Variants in TDRD10 observed in about 807,000 individuals in gnomAD.
TDRD10 encodes the protein tudor domain-containing protein 10.
A neutral mutation model predicts 48.0 loss-of-function variants in TDRD10; 40 were observed. The ratio of observed to expected loss-of-function variants is 0.83; its 90% CI spans 0.65 to 1.09. TDRD10 has a LOEUF of 1.09. Among genes scored for constraint, TDRD10 ranks in the 50% least tolerant of loss-of-function variants. The pLI is 0.00. For missense variants in TDRD10, 378 were observed against 434.7 expected, an observed-to-expected ratio of 0.87 and a Z score of 1.16; for synonymous variants, 162 against 170.4, an observed-to-expected ratio of 0.95 and a Z score of 0.38.
At chr1:154,510,712 C>G (rs1693416459) in intron 4 of TDRD10, among the ~76,000 whole-genome samples, 1 of 152,100 alleles carries the variant, frequency 6.6e-6, no homozygotes, top group African/African-American at 2.4e-5. Context: ...AATCTTGGGT[C>G]AGAGTTGAAA....
Position 154,542,061 on chromosome 1 carries a change from C to T in TDRD10, c.407C>T (p.Thr136Ile). 1.2e-6 allele frequency: 2 copies of T among 1,613,960 alleles called. No individual in the cohort carries two copies. The highest frequency in any genetic ancestry group is 1.7e-6 in the Non-Finnish European group (2 of 1,179,924). ...EKASGEGFGK[T>I]AAIIQLAPKA... ...GCTTCTGGTGAAGGATTTGGCAAAA[C>T]CGCCGGTGAGATTCTGCGCTGCCAT... is the stretch of plus-strand genomic sequence containing the variant. Residue 136 changes from threonine to isoleucine, a missense_variant, in exon 7 of 13, where the codon ACC becomes ATC. Thr to Ile is a moderately conservative substitution (Grantham distance 89). Transcript: ENST00000368482.
rs1451015186 is a variant in TDRD10 at position 154,547,814 on chromosome 1, A to G, written c.*104A>G. The G allele has an allele frequency of 2.1e-6, 3 of 1,424,844 alleles. No individual in the cohort carries two copies. The East Asian group carries it at 6.8e-5, about 32-fold the overall frequency. 88.3% of individuals were successfully genotyped at this position (1,424,844 alleles called of 1,614,324 possible). A position where few individuals can be genotyped will look rare whatever the true frequency, so the allele number is the denominator to read the frequency against. Reference sequence around the variant, plus strand: ...TCACTCTTGAGGCCTGGGAGGTGAAAAAGGCCAGACTGTGCCCAGGATTGA... The same window carrying G: ...TCACTCTTGAGGCCTGGGAGGTGAAGAAGGCCAGACTGTGCCCAGGATTGA... On this transcript the variant is annotated 3_prime_UTR_variant, in exon 13 of 13. Coordinates refer to ENST00000368482, the MANE Select transcript of TDRD10 (RefSeq NM_182499.4).
chr1:154,521,624 T>G (rs1694065881), intron 6 of TDRD10, 145 bp downstream of exon 6: 1 of 866,422 alleles, frequency 1.2e-6, no homozygotes, highest in African/African-American at 1.7e-5. Flanking sequence ...TCAGGGAACT[T>G]TTATGACCTT....
chr1:154,509,916 A>G, intron 4 of TDRD10: 1 of 965,882 alleles, frequency 1.0e-6, no homozygotes, highest in Non-Finnish European at 1.2e-6. Flanking sequence ...CCCCCTCCCC[A>G]GTAGACCCCA....
chr1:154,513,894 A>G (rs4845636), intron 4 of TDRD10, among the ~76,000 whole-genome samples: 119,236 of 152,116 alleles, frequency 0.78, 47,495 homozygotes, highest in East Asian at 0.92. Flanking sequence ...AAGGAGATTT[A>G]GAAGAGACTT....
At chr1:154,528,414 C>T (rs940720568) in intron 6 of TDRD10, among the ~76,000 whole-genome samples, 12 of 151,400 alleles carry the variant, frequency 7.9e-5, no homozygotes, top group Non-Finnish European at 1.3e-4. Context: ...TTACTAGAGA[C>T]GGGGTCTCGC....
chr1:154,544,529 G>A lies in TDRD10; in HGVS notation c.797+12G>A, dbSNP rs1290103206. The A allele has an allele frequency of 6.2e-7, 1 of 1,612,824 alleles. No individual in the cohort carries two copies. Reference sequence around the variant, plus strand: ...CACGCCTGGAACAGGTGTGTGCCTGGGCAGGGGTAGAGTCTATGGGAGAGG... The same window carrying A: ...CACGCCTGGAACAGGTGTGTGCCTGAGCAGGGGTAGAGTCTATGGGAGAGG... On this transcript the variant is annotated intron_variant, in intron 10 of 12. Transcript: ENST00000368482.
chr1:154,520,467 C>A, intron 5 of TDRD10, 93 bp downstream of exon 5: 1 of 956,772 alleles, frequency 1.0e-6, no homozygotes, highest in Non-Finnish European at 1.7e-6. Flanking sequence ...ACTAGCCCAG[C>A]AACCGCCACG....
chr1:154,514,019 G>C (rs1416299006), intron 4 of TDRD10, among the ~76,000 whole-genome samples: 2 of 152,082 alleles, frequency 1.3e-5, no homozygotes, highest in African/African-American at 4.8e-5. Context: ...GTGAAACCTC[G>C]TCTCTACTAA....
intron 4 of TDRD10, 152 bp from the exon 5 acceptor site, chr1:154,520,152 T>G (rs1234523635): frequency 3.4e-6 from 2 of 596,580 alleles, no homozygotes; most frequent in Non-Finnish European, 6.0e-6. Context: ...TTCTTGCCTA[T>G]CCTACAAAAC....
chr1:154,504,011 C>G (rs977895823), intron 1 of TDRD10, among the ~76,000 whole-genome samples: 5 of 152,180 alleles, frequency 3.3e-5, no homozygotes, highest in Non-Finnish European at 5.9e-5. Context: ...AAAGAAATCT[C>G]CCGTCAATTA....
chr1:154,544,767 CCT>C lies in TDRD10; in HGVS notation c.798-25_798-24del, dbSNP rs776109690. 15 of 1,610,574 alleles carry C rather than the reference CCT, an allele frequency of 9.3e-6. No homozygotes were observed. In the African/African-American group the frequency reaches 1.6e-4, roughly 17 times the overall value. ...GCATGGCACTAGGCGGAATGATTGT[CCT>C]CTGTCTTTCTCTTTTCCTCTGCCAG... On this transcript the variant is annotated intron_variant, in intron 10 of 12. Transcript: ENST00000368482.
intron 4 of TDRD10, among the ~76,000 whole-genome samples, chr1:154,514,137 C>G (rs1367387416): frequency 5.3e-5 from 8 of 152,162 alleles, no homozygotes; most frequent in South Asian, 2.1e-4. Flanking sequence ...TTGCAGCGAG[C>G]TGAGGTCACG....
At chr1:154,535,924 G>A (rs1435629443) in intron 6 of TDRD10, among the ~76,000 whole-genome samples, 2 of 152,160 alleles carry the variant, frequency 1.3e-5, no homozygotes, top group Non-Finnish European at 2.9e-5. Context: ...GGCAGAGCAG[G>A]ACGGGGTGAG....
chr1:154,545,366 T>TA (rs1401378782), intron 11 of TDRD10, among the ~76,000 whole-genome samples: 9 of 152,202 alleles, frequency 5.9e-5, no homozygotes, highest in Non-Finnish European at 1.3e-4. Flanking sequence ...GCACAGCACT[T>TA]AGCACTGCAC....
chr1:154,545,831 C>T (rs1036892618), intron 11 of TDRD10, among the ~76,000 whole-genome samples: 10 of 142,972 alleles, frequency 7.0e-5, no homozygotes, highest in Admixed American at 4.4e-4. Flanking sequence ...AGTGCAGAGG[C>T]GCAATCTCGG....
chr1:154,504,013 C>T (rs549410049), intron 1 of TDRD10, among the ~76,000 whole-genome samples: 2 of 152,166 alleles, frequency 1.3e-5, no homozygotes, highest in African/African-American at 4.8e-5. Context: ...AGAAATCTCC[C>T]GTCAATTAGC....
chr1:154,540,445 C>T (rs932190958), intron 6 of TDRD10, among the ~76,000 whole-genome samples: 15 of 134,958 alleles, frequency 1.1e-4, no homozygotes, highest in African/African-American at 3.9e-4. Context: ...CTGAGGGAGG[C>T]GGATTGCTTG....
chr1:154,547,015 A>G (rs1570999807), intron 11 of TDRD10, among the ~76,000 whole-genome samples: 1 of 152,224 alleles, frequency 6.6e-6, no homozygotes, highest in East Asian at 1.9e-4. Flanking sequence ...TGGTTCCAGC[A>G]TGTAAGAGTG....
Sources: gnomAD v4.1 joint callset for allele counts (sites outside exome capture counted in the v4.1 genomes callset) on GRCh38, gnomAD v4.1.1 for gene constraint, MANE v1.5 for transcripts, NCBI Gene and HGNC (gene_info 2026-07-23, HGNC 2026-07-21) for gene names.